Variants in PDE4B observed in about 807,000 individuals in gnomAD.
PDE4B encodes 3',5'-cyclic-AMP phosphodiesterase 4B.
A neutral mutation model predicts 82.2 loss-of-function variants in PDE4B; 20 were observed. That is an observed-to-expected ratio of 0.24 (90% confidence interval 0.17 to 0.35). The LOEUF is 0.35. PDE4B is among the 10% of genes least tolerant of loss of function. The pLI is 1.00. For synonymous variants in PDE4B, 320 were observed against 318.9 expected (o/e 1.00, Z -0.04); for missense variants, 655 against 907.2 (o/e 0.72, Z 3.57).
chr1:65,881,383 A>G (rs1646706658), intron 1 of PDE4B, among the ~76,000 whole-genome samples: 1 of 152,156 alleles, frequency 6.6e-6, no homozygotes, highest in South Asian at 2.1e-4. Context: ...CATGGGGTTC[A>G]TTGTGACTGT....
At chr1:66,268,485 T>C (rs191222306) in intron 7 of PDE4B, among the ~76,000 whole-genome samples, 1 of 151,902 alleles carries the variant, frequency 6.6e-6, no homozygotes, top group African/African-American at 2.4e-5. Context: ...CTGACCAATA[T>C]GGTGAAACCC....
chr1:66,106,572 C>G (rs1392928137), intron 3 of PDE4B, among the ~76,000 whole-genome samples: 1 of 150,312 alleles, frequency 6.7e-6, no homozygotes, highest in Admixed American at 6.6e-5. Flanking sequence ...TGGTCCTGGA[C>G]TCTTTTTGGT....
intron 1 of PDE4B, among the ~76,000 whole-genome samples, chr1:65,850,447 G>A (rs1291190991): frequency 6.6e-6 from 1 of 152,132 alleles, no homozygotes; most frequent in Non-Finnish European, 1.5e-5. Context: ...GAATGGTGTA[G>A]TGAACAATGA....
At chr1:65,997,721 G>C (rs1038505568) in intron 3 of PDE4B, among the ~76,000 whole-genome samples, 1 of 152,114 alleles carries the variant, frequency 6.6e-6, no homozygotes, top group Non-Finnish European at 1.5e-5. Flanking sequence ...TATGCACCAG[G>C]CTCTGATCTG....
At chr1:66,167,166 A>C (rs144218788) in intron 3 of PDE4B, among the ~76,000 whole-genome samples, 57 of 152,280 alleles carry the variant, frequency 3.7e-4, no homozygotes, top group African/African-American at 1.3e-3. Context: ...TTAAACATAA[A>C]GTACAACATG....
At chr1:66,372,035 A>G (rs1483497087) in intron 16 of PDE4B, among the ~76,000 whole-genome samples, 5 of 152,204 alleles carry the variant, frequency 3.3e-5, no homozygotes, top group Non-Finnish European at 7.3e-5. Context: ...ACCAGTCACT[A>G]GTTATGTGAC....
At chr1:66,053,222 G>A (rs1185286084) in intron 3 of PDE4B, among the ~76,000 whole-genome samples, 1 of 152,132 alleles carries the variant, frequency 6.6e-6, no homozygotes, top group East Asian at 1.9e-4. Flanking sequence ...TGTATTAAAT[G>A]TTTGTTGAAT....
intron 3 of PDE4B, among the ~76,000 whole-genome samples, chr1:65,980,780 A>G (rs1426927907): frequency 1.3e-5 from 2 of 152,172 alleles, no homozygotes; most frequent in African/African-American, 4.8e-5. Flanking sequence ...CCTACATGTT[A>G]CTTTGGTGAT....
intron 3 of PDE4B, chr1:65,993,020 C>T: frequency 6.2e-7 from 1 of 1,613,978 alleles, no homozygotes; most frequent in Non-Finnish European, 8.5e-7. Context: ...TACCAGGAAA[C>T]AGACCTACAT....
At position 65,918,603 on chromosome 1, in the gene PDE4B, A is replaced by G; in HGVS notation, c.49A>G (p.Lys17Glu). Residue 17 changes from lysine (K) to glutamate (E), a missense_variant, in exon 3 of 17, where the codon AAA (lysine) becomes GAA (glutamate). Lys to Glu is a moderately conservative substitution (Grantham distance 56). Around this residue, in one of 3 missense-constraint regions of PDE4B, gnomAD observed 253 missense variants for 275.6 expected, o/e 0.92. Coordinates refer to ENST00000341517, the MANE Select transcript of PDE4B (RefSeq NM_002600.4). ...VMTVMADDNV[K>E]DYFECSLSKS... ...TTCCCTGTGGTTCCTCCAGAATGTT[A>G]AAGATTATTTTGAATGTAGCTTGAG... 6.3e-7 allele frequency: 1 copy of G among 1,579,738 alleles called. No individual in the cohort carries two copies. Among genetic ancestry groups the G allele is most frequent in the African/African-American group, 1.3e-5 (1 of 74,352 alleles).
chr1:66,317,149 C>A (rs185628312), intron 7 of PDE4B, among the ~76,000 whole-genome samples: 5 of 152,286 alleles, frequency 3.3e-5, no homozygotes, highest in African/African-American at 1.2e-4. Context: ...CTGCAAAAAT[C>A]ATAACTGTTA....
At chr1:66,174,755 G>GCAA (rs143629032) in intron 3 of PDE4B, among the ~76,000 whole-genome samples, 19,672 of 149,106 alleles carry the variant, frequency 0.13, 1,514 homozygotes, top group South Asian at 0.26. Flanking sequence ...CTCAAAAAAA[G>GCAA]CAACAACAAC....
rs17128809 is a variant in PDE4B, at chr1:66,335,322, A to T, written c.747+2702A>T. On this transcript the variant is annotated intron_variant, in intron 8 of 16. Coordinates refer to ENST00000341517, the MANE Select transcript of PDE4B (RefSeq NM_002600.4). Reference sequence around the variant, plus strand: ...GCAATGTCTGATCTTAAGAACAGCGATAGGTGAAATTGTGTTATGCTGAGG... The same window carrying T: ...GCAATGTCTGATCTTAAGAACAGCGTTAGGTGAAATTGTGTTATGCTGAGG... Among the ~76,000 whole-genome samples, 1,809 of 152,316 alleles carry T rather than the reference A, an allele frequency of 0.012. 112 individuals are homozygous for T. In the East Asian group the frequency reaches 0.19, roughly 16 times the overall value.
intron 3 of PDE4B, among the ~76,000 whole-genome samples, chr1:66,058,137 A>C (rs1180009745): frequency 6.6e-6 from 1 of 152,204 alleles, no homozygotes; most frequent in Non-Finnish European, 1.5e-5. Context: ...GCCCCATGTA[A>C]GTCTGAAATC....
intron 3 of PDE4B, among the ~76,000 whole-genome samples, chr1:66,227,722 T>C (rs1287548980): frequency 2.6e-5 from 4 of 152,202 alleles, no homozygotes; most frequent in Non-Finnish European, 5.9e-5. Flanking sequence ...CCAACATAGG[T>C]AGCATTTCTA....
At chr1:65,837,460 T>C (rs1193685476) in intron 1 of PDE4B, among the ~76,000 whole-genome samples, 2 of 151,920 alleles carry the variant, frequency 1.3e-5, no homozygotes, top group Admixed American at 6.6e-5. Flanking sequence ...ATACAAAAAT[T>C]AGTCAGGTGT....
At chr1:66,340,666 A>C (rs1262965013) in intron 8 of PDE4B, among the ~76,000 whole-genome samples, 1 of 152,204 alleles carries the variant, frequency 6.6e-6, no homozygotes, top group Non-Finnish European at 1.5e-5. Context: ...CTAACAGCAT[A>C]GTGCATAATG....
Position 66,372,683 on chromosome 1 carries a change from C to T in PDE4B, c.*5C>T, listed in dbSNP as rs751166723. 5.8e-5 allele frequency: 93 copies of T among 1,606,142 alleles called. 1 individual carries two copies. Among genetic ancestry groups the T allele is most frequent in the Non-Finnish European group, 7.6e-5 (89 of 1,175,514 alleles). The stretch of plus-strand genomic sequence containing the variant: ...AAGTCCCCCGTGGATACATAATCCC[C>T]CTCTCCCTGTGGAGATGAACATTCT... On this transcript the variant is annotated 3_prime_UTR_variant, in exon 17 of 17. Coordinates refer to ENST00000341517, the MANE Select transcript of PDE4B (RefSeq NM_002600.4).
chr1:66,330,370 C>G (rs1160915630), intron 7 of PDE4B, among the ~76,000 whole-genome samples: 2 of 91,926 alleles, frequency 2.2e-5, no homozygotes, highest in African/African-American at 4.2e-5. Flanking sequence ...TTTGAAGAGT[C>G]CTTCTCTTTT....
Sources: gnomAD v4.1 joint callset for allele counts (sites outside exome capture counted in the v4.1 genomes callset) on GRCh38, gnomAD v4.1.1 for gene constraint, gnomAD v4.1.1 regional missense constraint, MANE v1.5 for transcripts, NCBI Gene and HGNC (gene_info 2026-07-23, HGNC 2026-07-21) for gene names.